Variants in CCDC186 observed in about 807,000 individuals in gnomAD.
The protein encoded by CCDC186 is coiled-coil domain-containing protein 186.
CCDC186 carries 49 observed loss-of-function variants against 113.7 expected under a neutral mutation model. That is an observed-to-expected ratio of 0.43 (90% CI 0.34 to 0.55). The LOEUF (loss-of-function observed/expected upper bound fraction) is 0.55. CCDC186 is among the 20% of genes least tolerant of loss of function. CCDC186 has a pLI of 0.02. For missense variants in CCDC186, 890 were observed against 1,011.1 expected (o/e 0.88, Z 1.62); for synonymous variants, 355 against 345.8 (o/e 1.03, Z -0.30).
At chr10:114,171,865 C>T (rs530536653) in intron 1 of CCDC186, among the ~76,000 whole-genome samples, 281 of 152,226 alleles carry the variant, frequency 1.8e-3, no homozygotes, top group Middle Eastern at 0.01. Context: ...TGCTGATTTC[C>T]ACTTTGTGTC....
At chr10:114,163,448 T>A in intron 1 of CCDC186, 119 bp from the exon 2 acceptor site, 1 of 817,684 alleles carries the variant, frequency 1.2e-6, no homozygotes, top group Non-Finnish European at 1.8e-6. Context: ...ACAATTCCTT[T>A]AAAAGCCTGT....
chr10:114,173,096 G>C (rs1449946869), intron 1 of CCDC186: 1 of 387,028 alleles, frequency 2.6e-6, no homozygotes, highest in Non-Finnish European at 5.3e-6. Flanking sequence ...AAAAAGCTGG[G>C]CATCAAAGGA....
Position 114,151,224 on chromosome 10 carries a change from T to C in CCDC186, c.760-4A>G, listed in dbSNP as rs746238846. On this transcript the variant is annotated splice_polypyrimidine_tract_variant and splice_region_variant and intron_variant, in intron 3 of 15. Coordinates refer to ENST00000369287, the MANE Select transcript of CCDC186 (RefSeq NM_018017.4). Reference sequence around the variant, plus strand: ...GTTCTTCTATTCTTGATTCTAACTGTAAAGAAAATTATTTCCAAATTATTT... The same window carrying C: ...GTTCTTCTATTCTTGATTCTAACTGCAAAGAAAATTATTTCCAAATTATTT... The C allele has an allele frequency of 2.8e-5, 42 of 1,514,960 alleles. No individual in the cohort carries two copies. Among genetic ancestry groups the C allele is most frequent in the Middle Eastern group, 1.7e-4 (1 of 5,768 alleles). 93.8% of individuals were successfully genotyped at this position (1,514,960 alleles called of 1,614,324 possible). A position where few individuals can be genotyped will look rare whatever the true frequency, so the allele number is the denominator to read the frequency against.
At chr10:114,127,097 C>T (rs2030930405) in intron 14 of CCDC186, among the ~76,000 whole-genome samples, 1 of 152,118 alleles carries the variant, frequency 6.6e-6, no homozygotes, top group African/African-American at 2.4e-5. Context: ...ATAAATTATC[C>T]CACTACATCC....
In CCDC186 at chr10:114,131,289, T is replaced by C. The variant is rs907336413; in HGVS notation, c.1959A>G (p.Gln653=). 24 of 1,599,532 alleles carry C rather than the reference T, an allele frequency of 1.5e-5. 1 individual carries two copies. Among genetic ancestry groups the C allele is most frequent in the Non-Finnish European group, 2.0e-5 (24 of 1,174,224 alleles). ...TACAAGCGAGTTCAGCTTGCAGAGT[T>C]TGGACTTCCTCTTTTCGCAGTTCTT... The part of the protein sequence containing the change: ...KEEELRKEEV[Q]TLQAELACRQ... The change falls in exon 12 of 16, where the codon CAA becomes CAG. Residue 653 remains glutamine (Q), a synonymous_variant. Coordinates refer to ENST00000369287, the MANE Select transcript of CCDC186 (RefSeq NM_018017.4).
chr10:114,126,523 AT>A (rs929528068), intron 14 of CCDC186, among the ~76,000 whole-genome samples: 11 of 149,756 alleles, frequency 7.3e-5, no homozygotes, highest in East Asian at 3.9e-4. Context: ...TGCCTGAATA[AT>A]TTTTTTTTTG....
rs546227846 is a variant in CCDC186 at position 114,135,752 on chromosome 10, C to T, written c.1512+139G>A. 2.8e-5 allele frequency: 18 copies of T among 644,674 alleles called. No homozygotes were observed. The Middle Eastern group carries it at 1.1e-3, about 39-fold the overall frequency. The allele number at this position is 644,674 out of a possible 1,614,324, so 39.9% of individuals were successfully genotyped here. A position where few individuals can be genotyped will look rare whatever the true frequency, so the allele number is the denominator to read the frequency against. On this transcript the variant is annotated intron_variant, in intron 9 of 15. Transcript: ENST00000369287. ...AACAAAAGAAGTTGCTAGGAAATTG[C>T]TCCTCTACTCTACTGAGTTCCTTTA...
At chr10:114,133,282 G>A (rs964445832) in intron 10 of CCDC186, among the ~76,000 whole-genome samples, 4 of 152,112 alleles carry the variant, frequency 2.6e-5, no homozygotes, top group Non-Finnish European at 4.4e-5. Context: ...ATGTGTGAGG[G>A]GAAGGAAAGA....
chr10:114,164,540 A>T (rs1291295287), intron 1 of CCDC186, among the ~76,000 whole-genome samples: 2 of 152,018 alleles, frequency 1.3e-5, no homozygotes, highest in Non-Finnish European at 2.9e-5. Context: ...CAATCTTGAT[A>T]AAAAAAATTG....
Position 114,136,058 on chromosome 10 carries a change from G to C in CCDC186, c.1426-81C>G. On this transcript the variant is annotated intron_variant, in intron 8 of 15. Transcript: ENST00000369287. ...ATTTATTGCCTGTTCCTTCCAAAAG[G>C]CCTTAAAAGTAGATAGCAATAAGTT... The C allele has an allele frequency of 2.7e-6, 4 of 1,487,274 alleles. No individual in the cohort carries two copies. The Admixed American group carries it at 6.9e-5, about 26-fold the overall frequency. 92.1% of individuals were successfully genotyped at this position (1,487,274 alleles called of 1,614,324 possible). A position where few individuals can be genotyped will look rare whatever the true frequency, so the allele number is the denominator to read the frequency against.
At chr10:114,173,356 C>T in intron 1 of CCDC186, 1 of 328,274 alleles carries the variant, frequency 3.0e-6, no homozygotes, top group Admixed American at 3.5e-5. Context: ...CCCAAGATTG[C>T]TACTTAGGGA....
At chr10:114,167,492 T>C (rs2032370109) in intron 1 of CCDC186, among the ~76,000 whole-genome samples, 1 of 152,140 alleles carries the variant, frequency 6.6e-6, no homozygotes, top group African/African-American at 2.4e-5. Context: ...AGTCCTCATG[T>C]AGGCCTCCAG....
rs1334398646 is a variant in CCDC186, at chr10:114,163,328, A to G, written c.-60T>C. 2 of 1,544,438 alleles carry G rather than the reference A, an allele frequency of 1.3e-6. No homozygotes were observed. The highest frequency in any genetic ancestry group is 1.2e-5 in the South Asian group (1 of 81,580). Reference sequence around the variant, plus strand: ...AATCTGCTCCTGATCTTCGTTTTACATCTAAGAAATTGAAACATCAAAATT... The same window carrying G: ...AATCTGCTCCTGATCTTCGTTTTACGTCTAAGAAATTGAAACATCAAAATT... On this transcript the variant is annotated splice_region_variant and 5_prime_UTR_variant, in exon 2 of 16. An upstream start codon of the reference 5' UTR is lost. Transcript: ENST00000369287.
rs114804926 is a variant in CCDC186, at chr10:114,126,295, C to T, written c.2394-190G>A. On this transcript the variant is annotated intron_variant, in intron 14 of 15. Coordinates refer to ENST00000369287, the MANE Select transcript of CCDC186 (RefSeq NM_018017.4). Reference sequence around the variant, plus strand: ...CTCATTTTTGTTCTATTGTAGCATTCGGAGTAAAGACATATAAACATTGCT... The same window carrying T: ...CTCATTTTTGTTCTATTGTAGCATTTGGAGTAAAGACATATAAACATTGCT... Among the ~76,000 whole-genome samples the T allele has an allele frequency of 1.9e-3, 296 of 152,248 alleles. 1 individual carries two copies. The highest frequency in any genetic ancestry group is 6.8e-3 in the African/African-American group (281 of 41,546).
intron 1 of CCDC186, among the ~76,000 whole-genome samples, chr10:114,168,765 C>T (rs1589635719): frequency 6.6e-6 from 1 of 152,336 alleles, no homozygotes; most frequent in East Asian, 1.9e-4. Flanking sequence ...TACTTGGCTG[C>T]CTCTGCATTT....
chr10:114,138,305 TTTTTTG>T, intron 6 of CCDC186, among the ~76,000 whole-genome samples: 3 of 14,452 alleles, frequency 2.1e-4, no homozygotes, highest in Non-Finnish European at 1.9e-4. Context: ...TTTTTTTTTT[TTTTTTG>T]GAGACAGCGT....
At chr10:114,163,546 CCTT>C (rs2032242381) in intron 1 of CCDC186, among the ~76,000 whole-genome samples, 1 of 152,190 alleles carries the variant, frequency 6.6e-6, no homozygotes, top group Non-Finnish European at 1.5e-5. Flanking sequence ...TGTCTTTCCT[CCTT>C]CATTTCAGTC....
chr10:114,149,505 C>T (rs989506221), intron 4 of CCDC186, among the ~76,000 whole-genome samples: 2 of 141,872 alleles, frequency 1.4e-5, no homozygotes, highest in African/African-American at 5.3e-5. Flanking sequence ...AAATATTAAG[C>T]TTCGAAGAGT....
At chr10:114,159,356 A>G (rs2119817815) in intron 2 of CCDC186, among the ~76,000 whole-genome samples, 1 of 152,326 alleles carries the variant, frequency 6.6e-6, no homozygotes, top group African/African-American at 2.4e-5. Flanking sequence ...TGCATATTCT[A>G]TATACAGACA....
Sources: allele counts gnomAD v4.1 joint callset (sites outside exome capture counted in the v4.1 genomes callset), GRCh38; gene constraint gnomAD v4.1.1; transcripts MANE v1.5; gene names NCBI Gene and HGNC (gene_info 2026-07-23, HGNC 2026-07-21).